CXADR: variants seen among roughly 807,000 people sequenced by gnomAD.
The protein encoded by CXADR is coxsackievirus and adenovirus receptor.
A neutral mutation model predicts 40.3 loss-of-function variants in CXADR; 20 were observed. The observed-to-expected ratio is 0.50, with a 90% CI of 0.35 to 0.72. The LOEUF (loss-of-function observed/expected upper bound fraction) is 0.72, where lower values mean the gene tolerates loss of function less well. Among genes scored for constraint, CXADR ranks in the 30% least tolerant of loss-of-function variants. The pLI is 0.01. For missense variants in CXADR, 332 were observed against 449.1 expected (o/e 0.74, Z 2.36); for synonymous variants, 150 against 161.3 (o/e 0.93, Z 0.53).
chr21:17,635,724 G>A, the CXADR span, among the ~76,000 whole-genome samples: 1 of 152,100 alleles, frequency 6.6e-6, no homozygotes, highest in African/African-American at 2.4e-5. Flanking sequence ...CACACAAAAT[G>A]TCCTCTAACT....
intron 3 of CXADR, among the ~76,000 whole-genome samples, chr21:17,555,774 T>C (rs2061026618): frequency 6.6e-6 from 1 of 152,224 alleles, no homozygotes; most frequent in Non-Finnish European, 1.5e-5. Context: ...TTGGGGGAGC[T>C]ACTTCGAGAC....
the CXADR span, among the ~76,000 whole-genome samples, chr21:17,629,847 AT>A: frequency 6.6e-6 from 1 of 152,144 alleles, no homozygotes; most frequent in Non-Finnish European, 1.5e-5. Context: ...AAATAAATAA[AT>A]AAAACAAAGT....
At chr21:17,555,258 C>G (rs1289192911) in intron 3 of CXADR, among the ~76,000 whole-genome samples, 1 of 152,204 alleles carries the variant, frequency 6.6e-6, no homozygotes, top group East Asian at 1.9e-4. Flanking sequence ...ATGGTATACT[C>G]CCACTGCACC....
chr21:17,539,237 C>T (rs2123210708), intron 1 of CXADR, among the ~76,000 whole-genome samples: 1 of 152,264 alleles, frequency 6.6e-6, no homozygotes, highest in South Asian at 2.1e-4. Flanking sequence ...AGCTTGCTGC[C>T]ACTGGTCCCC....
At chr21:17,545,079 T>G (rs976046511) in intron 1 of CXADR, among the ~76,000 whole-genome samples, 2 of 140,556 alleles carry the variant, frequency 1.4e-5, no homozygotes, top group Non-Finnish European at 1.5e-5. Flanking sequence ...TGTGTTTTTT[T>G]TTTTTTTTTT....
chr21:17,524,043 CGTGTGT>C (rs200561495), intron 1 of CXADR, among the ~76,000 whole-genome samples: 4 of 144,816 alleles, frequency 2.8e-5, no homozygotes, highest in East Asian at 4.3e-4. Context: ...TGTGTGTGTG[CGTGTGT>C]GTGTGTGTGT....
intron 3 of CXADR, among the ~76,000 whole-genome samples, chr21:17,556,954 TAC>T (rs1179706847): frequency 3.3e-5 from 5 of 152,326 alleles, no homozygotes; most frequent in Admixed American, 2.6e-4. Context: ...TTAAAATATG[TAC>T]AGTCACCATA....
downstream of CXADR, chr21:17,570,169 C>G (rs1406636474): frequency 1.0e-6 from 1 of 985,156 alleles, no homozygotes; most frequent in Non-Finnish European, 1.2e-6. Context: ...ATATTTTATT[C>G]CTCCCTGCTT....
At chr21:17,523,628 A>G (rs1046102163) in intron 1 of CXADR, among the ~76,000 whole-genome samples, 28 of 152,172 alleles carry the variant, frequency 1.8e-4, no homozygotes, top group Admixed American at 6.5e-5. Flanking sequence ...GATTCAGTTT[A>G]TTTGGTGGCT....
the CXADR span, among the ~76,000 whole-genome samples, chr21:17,618,135 G>A: frequency 1.3e-5 from 2 of 152,324 alleles, no homozygotes; most frequent in African/African-American, 2.4e-5. Flanking sequence ...AGTCCAAGGA[G>A]TTAAAGGCTG....
At chr21:17,604,456 A>G in the CXADR span, among the ~76,000 whole-genome samples, 1 of 152,156 alleles carries the variant, frequency 6.6e-6, no homozygotes, top group Non-Finnish European at 1.5e-5. Context: ...AAAAAAAAAG[A>G]GGAGAGAGGG....
At chr21:17,517,233 G>A (rs2060473103) in intron 1 of CXADR, among the ~76,000 whole-genome samples, 1 of 152,136 alleles carries the variant, frequency 6.6e-6, no homozygotes, top group African/African-American at 2.4e-5. Flanking sequence ...GCTTCTATTA[G>A]ACAGCAAGAG....
In CXADR at chr21:17,567,404, A is replaced by C. The variant is rs1292936427; in HGVS notation, c.*1712A>C. On this transcript the variant is annotated 3_prime_UTR_variant, in exon 7 of 7. Coordinates refer to ENST00000284878, the MANE Select transcript of CXADR (RefSeq NM_001338.5). ...CTTTTATACTCGTGTTAACATTTTC[A>C]TCTGTGCCTTTTGGTAATTTAATTT... The C allele has an allele frequency of 4.1e-6, 4 of 985,136 alleles. No homozygotes were observed. Among genetic ancestry groups the C allele is most frequent in the African/African-American group, 1.7e-5 (1 of 57,360 alleles). 61.0% of individuals were successfully genotyped at this position (985,136 alleles called of 1,614,324 possible).
In CXADR at chr21:17,566,495, G is replaced by T. The variant is rs1342115556; in HGVS notation, c.*803G>T. On this transcript the variant is annotated 3_prime_UTR_variant, in exon 7 of 7. Coordinates refer to ENST00000284878, the MANE Select transcript of CXADR (RefSeq NM_001338.5). ...GTCTCATGCCTTGAGATCTGTGGTG[G>T]TCTTCAAAATGGTGGCCAGCCAGAT... 1.6e-5 allele frequency: 16 copies of T among 985,246 alleles called. No individual in the cohort carries two copies. Among genetic ancestry groups the T allele is most frequent in the East Asian group, 1.1e-4 (1 of 8,828 alleles). The allele number at this position is 985,246 out of a possible 1,614,324, so 61.0% of individuals were successfully genotyped here.
chr21:17,604,783 C>T, the CXADR span: 1 of 1,476,760 alleles, frequency 6.8e-7, no homozygotes, highest in Non-Finnish European at 9.1e-7. Flanking sequence ...GATACACAGG[C>T]AGGCCGTACA....
chr21:17,568,745 A>G lies in CXADR; in HGVS notation c.*3053A>G. The G allele has an allele frequency of 2.0e-6, 2 of 984,996 alleles. No individual in the cohort carries two copies. The highest frequency in any genetic ancestry group is 2.4e-6 in the Non-Finnish European group (2 of 829,870). 61.0% of individuals were successfully genotyped at this position (984,996 alleles called of 1,614,324 possible). A position where few individuals can be genotyped will look rare whatever the true frequency, so the allele number is the denominator to read the frequency against. ...ACAGCTATTTTTTTTTCTTACTGGTAATCTTAACTAATATGATTCCCTTGT... is the reference window on the plus strand; with the variant it reads ...ACAGCTATTTTTTTTTCTTACTGGTGATCTTAACTAATATGATTCCCTTGT... On this transcript the variant is annotated 3_prime_UTR_variant, in exon 7 of 7. Coordinates refer to ENST00000284878, the MANE Select transcript of CXADR (RefSeq NM_001338.5).
At chr21:17,620,559 A>G in the CXADR span, among the ~76,000 whole-genome samples, 5 of 152,216 alleles carry the variant, frequency 3.3e-5, no homozygotes, top group Non-Finnish European at 7.3e-5. Flanking sequence ...CAAAGTGATC[A>G]CAAGCTGTTG....
the CXADR span, among the ~76,000 whole-genome samples, chr21:17,635,998 A>G: frequency 6.6e-6 from 1 of 152,202 alleles, no homozygotes; most frequent in African/African-American, 2.4e-5. Flanking sequence ...TTCAGTGTAC[A>G]GGTCTTGAAC....
intron 3 of CXADR, 54 bp downstream of exon 3, chr21:17,552,007 A>G (rs1460411613): frequency 9.6e-6 from 13 of 1,348,016 alleles, no homozygotes; most frequent in Admixed American, 1.7e-5. Flanking sequence ...ATGATTAGTC[A>G]TAGTACTGTA....
Sources: gnomAD v4.1 joint callset for allele counts (sites outside exome capture counted in the v4.1 genomes callset) on GRCh38, gnomAD v4.1.1 for gene constraint, MANE v1.5 for transcripts, NCBI Gene and HGNC (gene_info 2026-07-23, HGNC 2026-07-21) for gene names.